The following CCDC178 variants were observed in gnomAD, a reference collection of about 807,000 sequenced individuals.
CCDC178 encodes coiled-coil domain-containing protein 178.
A neutral mutation model predicts 117.4 loss-of-function variants in CCDC178; 126 were observed. The observed-to-expected ratio is 1.07, with a 90% CI of 0.93 to 1.24. The LOEUF (loss-of-function observed/expected upper bound fraction) is 1.24. Among genes scored for constraint, CCDC178 ranks in the 50% most tolerant of loss-of-function variants. CCDC178 has a pLI of 0.00. For missense variants in CCDC178, 1,030 were observed against 986.9 expected (o/e 1.04, Z -0.59); for synonymous variants, 283 against 313.4 (o/e 0.90, Z 1.02).
chr18:33,244,992 G>A (rs1388422436), intron 15 of CCDC178, among the ~76,000 whole-genome samples: 1 of 151,908 alleles, frequency 6.6e-6, no homozygotes, highest in Non-Finnish European at 1.5e-5. Flanking sequence ...CACTCCTGGT[G>A]CTCCAAGTAG....
At chr18:33,037,195 T>C (rs942336714) in intron 21 of CCDC178, among the ~76,000 whole-genome samples, 18 of 151,962 alleles carry the variant, frequency 1.2e-4, no homozygotes, top group Non-Finnish European at 1.9e-4. Context: ...TGAAAAATTG[T>C]TTTATTTACC....
intron 20 of CCDC178, among the ~76,000 whole-genome samples, chr18:33,160,961 T>A (rs969102017): frequency 1.9e-4 from 29 of 152,184 alleles, no homozygotes; most frequent in Non-Finnish European, 3.8e-4. Flanking sequence ...GGAAAGAGAA[T>A]GGCAACAATG....
intron 22 of CCDC178, among the ~76,000 whole-genome samples, chr18:32,960,364 A>T (rs1487851973): frequency 6.6e-6 from 1 of 152,126 alleles, no homozygotes; most frequent in Non-Finnish European, 1.5e-5. Context: ...GAGTGAGTGG[A>T]AACAACTTTG....
At chr18:33,277,693 T>A (rs900143242) in intron 12 of CCDC178, among the ~76,000 whole-genome samples, 2 of 152,214 alleles carry the variant, frequency 1.3e-5, no homozygotes, top group African/African-American at 4.8e-5. Flanking sequence ...GCCCCCTCCA[T>A]CTTCAAGTCA....
intron 2 of CCDC178, among the ~76,000 whole-genome samples, chr18:33,435,281 C>T (rs892870061): frequency 2.0e-5 from 3 of 152,138 alleles, no homozygotes; most frequent in South Asian, 2.1e-4. Context: ...TCCTTGGCTA[C>T]ATTAACCACC....
At chr18:33,253,525 A>G (rs2059641075) in intron 14 of CCDC178, among the ~76,000 whole-genome samples, 1 of 151,836 alleles carries the variant, frequency 6.6e-6, no homozygotes. Context: ...GACTAAGGGG[A>G]AGGTGATTCA....
chr18:33,060,740 C>G (rs968355273), intron 21 of CCDC178, among the ~76,000 whole-genome samples: 1 of 152,088 alleles, frequency 6.6e-6, no homozygotes, highest in East Asian at 1.9e-4. Context: ...TTGAGAAAAA[C>G]AGTAATGCAC....
At chr18:33,393,180 ATG>A (rs2063584741) in intron 4 of CCDC178, among the ~76,000 whole-genome samples, 1 of 151,994 alleles carries the variant, frequency 6.6e-6, no homozygotes, top group African/African-American at 2.4e-5. Flanking sequence ...CTTTATACCT[ATG>A]AGAATATTTC....
At chr18:33,029,715 A>G (rs1361924509) in intron 21 of CCDC178, among the ~76,000 whole-genome samples, 1 of 151,360 alleles carries the variant, frequency 6.6e-6, no homozygotes, top group East Asian at 1.9e-4. Flanking sequence ...ATTTCAATGT[A>G]TTTTCTAATA....
At chr18:33,283,012 C>T (rs1220643159) in intron 12 of CCDC178, among the ~76,000 whole-genome samples, 1 of 152,182 alleles carries the variant, frequency 6.6e-6, no homozygotes, top group African/African-American at 2.4e-5. Context: ...GGGCCTCCTT[C>T]TCCCACCCTC....
chr18:33,250,530 C>A (rs981641749), intron 14 of CCDC178, among the ~76,000 whole-genome samples: 1 of 151,430 alleles, frequency 6.6e-6, no homozygotes, highest in African/African-American at 2.4e-5. Context: ...ATGAGAAAAT[C>A]ATGAATAAGA....
At chr18:33,131,971 A>G (rs1048739570) in intron 20 of CCDC178, among the ~76,000 whole-genome samples, 1 of 147,694 alleles carries the variant, frequency 6.8e-6, no homozygotes, top group Non-Finnish European at 1.5e-5. Flanking sequence ...TCAAAGTTAT[A>G]TTGATTGTTT....
chr18:33,072,878 A>T (rs1376642541), intron 21 of CCDC178, among the ~76,000 whole-genome samples: 1 of 152,072 alleles, frequency 6.6e-6, no homozygotes, highest in African/African-American at 2.4e-5. Flanking sequence ...AACTGCTGGG[A>T]TTACAGGCAT....
At position 33,346,182 on chromosome 18, in the gene CCDC178, A is replaced by C. The variant is rs1049205241; in HGVS notation, c.658+29T>G. On this transcript the variant is annotated intron_variant, in intron 9 of 22. Transcript: ENST00000383096. ...AATTATCTGTGCCCCCAACAGAATA[A>C]GAAGTAATATAAAAATCCCTATTAT... The C allele has an allele frequency of 2.0e-6, 3 of 1,504,710 alleles. No homozygotes were observed. The African/African-American group carries it at 4.2e-5, about 21-fold the overall frequency. The allele number at this position is 1,504,710 out of a possible 1,614,324, so 93.2% of individuals were successfully genotyped here. A position where few individuals can be genotyped will look rare whatever the true frequency, so the allele number is the denominator to read the frequency against.
intron 11 of CCDC178, among the ~76,000 whole-genome samples, chr18:33,307,753 C>A (rs2062277014): frequency 6.6e-6 from 1 of 152,192 alleles, no homozygotes; most frequent in South Asian, 2.1e-4. Flanking sequence ...TGCATCCCAG[C>A]TGCTTCAGCT....
At chr18:33,165,302 C>A (rs1288278397) in intron 20 of CCDC178, among the ~76,000 whole-genome samples, 2 of 152,076 alleles carry the variant, frequency 1.3e-5, no homozygotes, top group East Asian at 3.8e-4. Context: ...GACAACAGAG[C>A]ATTACCCTAT....
At chr18:33,398,686 C>CTA (rs1025273585) in intron 3 of CCDC178, among the ~76,000 whole-genome samples, 2 of 151,934 alleles carry the variant, frequency 1.3e-5, no homozygotes, top group Non-Finnish European at 2.9e-5. Context: ...TGAGGGAACA[C>CTA]ATTAGAGTGA....
At chr18:33,295,201 T>C (rs1240402327) in intron 11 of CCDC178, among the ~76,000 whole-genome samples, 5 of 152,114 alleles carry the variant, frequency 3.3e-5, no homozygotes, top group Non-Finnish European at 7.4e-5. Flanking sequence ...ACAAAATCAA[T>C]TTAATGAAAG....
intron 20 of CCDC178, among the ~76,000 whole-genome samples, chr18:33,178,227 G>A (rs1013908625): frequency 3.9e-5 from 6 of 151,998 alleles, no homozygotes; most frequent in East Asian, 3.9e-4. Flanking sequence ...TCACTTACCC[G>A]GTTTCATAAG....
Sources: gnomAD v4.1 joint callset for allele counts (sites outside exome capture counted in the v4.1 genomes callset) on GRCh38, gnomAD v4.1.1 for gene constraint, MANE v1.5 for transcripts, NCBI Gene and HGNC (gene_info 2026-07-23, HGNC 2026-07-21) for gene names.